The following ERAP1 variants were observed in gnomAD, a reference collection of about 807,000 sequenced individuals.
ERAP1 encodes endoplasmic reticulum aminopeptidase 1.
ERAP1 carries 86 observed loss-of-function variants against 103.7 expected under a neutral mutation model. That is an observed-to-expected ratio of 0.83 (90% CI 0.70 to 0.99). The LOEUF (loss-of-function observed/expected upper bound fraction) is 0.99, where lower values mean the gene tolerates loss of function less well. Ranked by LOEUF, ERAP1 falls within the 50% of genes least tolerant of loss-of-function variation. The pLI is 0.00. For missense variants in ERAP1, 1,009 were observed against 1,128.4 expected, an observed-to-expected ratio of 0.89 and a Z score of 1.52; for synonymous variants, 398 against 402.4, an observed-to-expected ratio of 0.99 and a Z score of 0.13.
chr5:96,803,374 G>A, intron 2 of ERAP1, 29 bp downstream of exon 2: 1 of 1,604,812 alleles, frequency 6.2e-7, no homozygotes. Context: ...AGCACTTGCA[G>A]TTTAAAAGAA....
the ERAP1 span, among the ~76,000 whole-genome samples, chr5:96,845,017 T>C: frequency 6.6e-6 from 1 of 152,208 alleles, no homozygotes; most frequent in Non-Finnish European, 1.5e-5. Flanking sequence ...ATTGTGTTTT[T>C]CAAAGTTTTA....
chr5:96,890,050 A>C, the ERAP1 span, among the ~76,000 whole-genome samples: 1 of 152,312 alleles, frequency 6.6e-6, no homozygotes, highest in East Asian at 1.9e-4. Context: ...ATTTTTAAAA[A>C]ATTGCAGGAA....
the ERAP1 span, among the ~76,000 whole-genome samples, chr5:96,826,623 T>C: frequency 6.6e-6 from 1 of 152,326 alleles, no homozygotes; most frequent in Non-Finnish European, 1.5e-5. Context: ...TATGGTGTTT[T>C]TTAGACATGC....
the ERAP1 span, among the ~76,000 whole-genome samples, chr5:96,829,676 G>C: frequency 1.1e-3 from 173 of 152,322 alleles, 2 homozygotes; most frequent in South Asian, 0.035. Flanking sequence ...GTTTCTCTGA[G>C]AGCAAACTGC....
chr5:96,872,670 A>G, the ERAP1 span, among the ~76,000 whole-genome samples: 1 of 152,180 alleles, frequency 6.6e-6, no homozygotes, highest in Non-Finnish European at 1.5e-5. Context: ...ACATTTATGA[A>G]TTGTCTTTCA....
chr5:96,827,602 T>C, the ERAP1 span, among the ~76,000 whole-genome samples: 30 of 152,154 alleles, frequency 2.0e-4, no homozygotes, highest in African/African-American at 7.2e-4. Flanking sequence ...GAGGTGGAGG[T>C]TGCAGTGAGC....
chr5:96,765,330 A>T lies in ERAP1; in HGVS notation c.2819-2102T>A, dbSNP rs1389012961. ...CCAATGGAAGATAAAGTAAAGGTAA[A>T]AAAAAAAAAAAAAAAAAAAAAAATT... is the stretch of plus-strand genomic sequence containing the variant. On this transcript the variant is annotated intron_variant, in intron 19 of 19. Transcript: ENST00000296754. 13 of 64,402 alleles carry T rather than the reference A, an allele frequency of 2.0e-4. No homozygotes were observed. The East Asian group carries it at 3.6e-3, about 18-fold the overall frequency. The allele number at this position is 64,402 out of a possible 1,614,324, so 4.0% of individuals were successfully genotyped here. A position where few individuals can be genotyped will look rare whatever the true frequency, so the allele number is the denominator to read the frequency against.
At chr5:96,837,958 T>C in the ERAP1 span, among the ~76,000 whole-genome samples, 2 of 151,902 alleles carry the variant, frequency 1.3e-5, no homozygotes, top group Non-Finnish European at 2.9e-5. Flanking sequence ...TTATCTCCAA[T>C]GTCCAACTGT....
the ERAP1 span, chr5:96,909,669 T>A: frequency 6.2e-7 from 1 of 1,614,166 alleles, no homozygotes; most frequent in South Asian, 1.1e-5. Flanking sequence ...TCCGCTCGGC[T>A]CTCTTGAAGC....
At chr5:96,856,009 C>A in the ERAP1 span, among the ~76,000 whole-genome samples, 1 of 151,914 alleles carries the variant, frequency 6.6e-6, no homozygotes, top group Non-Finnish European at 1.5e-5. Flanking sequence ...ATGCAATAGT[C>A]GATCTTTCCT....
In ERAP1 at chr5:96,784,609, G is replaced by A. The variant is rs199993116; in HGVS notation, c.1944-529C>T. On this transcript the variant is annotated intron_variant, in intron 13 of 18. Coordinates refer to ENST00000443439, the MANE Select transcript of ERAP1 (RefSeq NM_001040458.3). ...TCAAACAGTAACGTCTAGGGCTAAC[G>A]TGGATAAGCCGGAAAGGAAGCACAT... Among the ~76,000 whole-genome samples, 8 of 14,044 alleles carry A rather than the reference G, an allele frequency of 5.7e-4. No individual in the cohort carries two copies. In the East Asian group the frequency reaches 6.9e-3, roughly 12 times the overall value. The allele number at this position is 14,044 out of a possible 152,430, so 9.2% of individuals were successfully genotyped here. A position where few individuals can be genotyped will look rare whatever the true frequency, so the allele number is the denominator to read the frequency against.
At chr5:96,836,184 T>TTG in the ERAP1 span, among the ~76,000 whole-genome samples, 1 of 150,146 alleles carries the variant, frequency 6.7e-6, no homozygotes, top group East Asian at 1.9e-4. Flanking sequence ...TGGTTTTTTT[T>TTG]TTTTTTTTTT....
Position 96,783,224 on chromosome 5 carries a change from G to A in ERAP1, c.2112C>T (p.Ile704=). The A allele has an allele frequency of 6.2e-7, 1 of 1,611,344 alleles. No individual in the cohort carries two copies. The highest frequency in any genetic ancestry group is 1.1e-5 in the South Asian group (1 of 91,026). The stretch of plus-strand genomic sequence containing the variant: ...TATCAATGAGGTCCCTTAGCAGCCT[G>A]ATGAGGAAGGCCTGAGGGCGTTGTA... ...EVETQFKAFL[I]RLLRDLIDKQ... The change falls in exon 15 of 19, where the codon ATC becomes ATT. Residue 704 remains isoleucine (I), a synonymous_variant. Transcript: ENST00000443439.
At chr5:96,773,088 C>CT (rs1382889696), downstream of ERAP1, 2 of 153,720 alleles carry the variant, frequency 1.3e-5, no homozygotes, top group Non-Finnish European at 2.9e-5. Flanking sequence ...ACCCCCTTTC[C>CT]TCTTGGGCTT....
chr5:96,826,968 A>T, the ERAP1 span, among the ~76,000 whole-genome samples: 1 of 152,210 alleles, frequency 6.6e-6, no homozygotes, highest in Non-Finnish European at 1.5e-5. Context: ...AATAATCCCC[A>T]ACTCTATCCC....
chr5:96,903,475 C>T, the ERAP1 span: 2 of 1,614,038 alleles, frequency 1.2e-6, no homozygotes, highest in Non-Finnish European at 1.7e-6. Context: ...ATGGGACCAA[C>T]TCATTACACA....
chr5:96,860,900 C>T, the ERAP1 span, among the ~76,000 whole-genome samples: 8 of 152,026 alleles, frequency 5.3e-5, no homozygotes, highest in South Asian at 6.2e-4. Flanking sequence ...CAGTAATGTG[C>T]GACTTCAATT....
At chr5:96,906,992 C>T in the ERAP1 span, among the ~76,000 whole-genome samples, 1 of 152,186 alleles carries the variant, frequency 6.6e-6, no homozygotes, top group Non-Finnish European at 1.5e-5. Context: ...TGTGCCATTG[C>T]ACTCCAGCCT....
the ERAP1 span, among the ~76,000 whole-genome samples, chr5:96,868,910 C>T: frequency 2.0e-5 from 3 of 151,990 alleles, no homozygotes; most frequent in South Asian, 2.1e-4. Context: ...CTTCATATAT[C>T]GAAATCCAAG....
Sources: allele counts gnomAD v4.1 joint callset (sites outside exome capture counted in the v4.1 genomes callset), GRCh38; gene constraint gnomAD v4.1.1; transcripts MANE v1.5; gene names NCBI Gene and HGNC (gene_info 2026-07-23, HGNC 2026-07-21).